Variants in GRIK2 observed in about 807,000 individuals in gnomAD.
The protein encoded by GRIK2 is glutamate ionotropic receptor kainate type subunit 2.
Under a neutral mutation model 100.3 loss-of-function variants are expected in GRIK2, and 32 were observed. The observed-to-expected ratio is 0.32, with a 90% CI of 0.24 to 0.43. The LOEUF is 0.43. Ranked by LOEUF, GRIK2 falls within the 20% of genes least tolerant of loss-of-function variation. The probability of loss-of-function intolerance (pLI) is 1.00; values close to 1 mark genes in which losing one functional copy is unlikely to be tolerated. For synonymous variants in GRIK2, 417 were observed against 389.4 expected (o/e 1.07, Z -0.83); for missense variants, 843 against 1,114.9 (o/e 0.76, Z 3.47).
chr6:101,427,617 TG>T (rs755790493), intron 2 of GRIK2, among the ~76,000 whole-genome samples: 1 of 152,230 alleles, frequency 6.6e-6, no homozygotes, highest in Non-Finnish European at 1.5e-5. Context: ...CTGTGCTCCC[TG>T]GTAATTTTGA....
chr6:101,457,168 C>T (rs1045854423), intron 2 of GRIK2, among the ~76,000 whole-genome samples: 5 of 152,080 alleles, frequency 3.3e-5, no homozygotes, highest in Non-Finnish European at 5.9e-5. Flanking sequence ...CAAGCCATTG[C>T]ATAGGAATTT....
chr6:101,827,615 AG>A (rs1016222255), intron 10 of GRIK2, among the ~76,000 whole-genome samples: 29 of 152,016 alleles, frequency 1.9e-4, no homozygotes, highest in African/African-American at 7.0e-4. Flanking sequence ...AAAAAAGGAC[AG>A]GGATTGCTAT....
intron 9 of GRIK2, 71 bp from the exon 10 acceptor site, chr6:101,818,299 A>G (rs1781755899): frequency 1.2e-6 from 1 of 806,486 alleles, no homozygotes; most frequent in East Asian, 2.6e-5. Context: ...TAGCAATCTT[A>G]ACTTTCTTTT....
chr6:101,712,299 T>C (rs1390124151), intron 7 of GRIK2, among the ~76,000 whole-genome samples: 1 of 151,766 alleles, frequency 6.6e-6, no homozygotes, highest in East Asian at 2.0e-4. Flanking sequence ...AATCTCAGGC[T>C]CTAGCCCATA....
At chr6:101,683,101 C>A (rs1582952835) in intron 6 of GRIK2, among the ~76,000 whole-genome samples, 1 of 151,720 alleles carries the variant, frequency 6.6e-6, no homozygotes, top group Admixed American at 6.6e-5. Context: ...TACTCGGGAG[C>A]CTGAGACAGG....
chr6:101,866,226 C>G (rs1308178571), intron 11 of GRIK2, among the ~76,000 whole-genome samples: 2 of 152,128 alleles, frequency 1.3e-5, no homozygotes, highest in African/African-American at 4.8e-5. Flanking sequence ...TTTTCCTCAT[C>G]CCTCTCCAGG....
At chr6:102,048,521 T>G (rs1225976269) in intron 15 of GRIK2, among the ~76,000 whole-genome samples, 7 of 151,768 alleles carry the variant, frequency 4.6e-5, no homozygotes, top group Non-Finnish European at 7.4e-5. Flanking sequence ...CAAGAAAAAA[T>G]TATTTAAATG....
intron 2 of GRIK2, among the ~76,000 whole-genome samples, chr6:101,537,938 C>T (rs758057327): frequency 7.9e-5 from 12 of 151,484 alleles, no homozygotes; most frequent in Admixed American, 2.0e-4. Flanking sequence ...AGAAGTATTC[C>T]GAAATATGAT....
chr6:101,510,052 G>A (rs1268892593), intron 2 of GRIK2, among the ~76,000 whole-genome samples: 1 of 152,066 alleles, frequency 6.6e-6, no homozygotes, highest in Non-Finnish European at 1.5e-5. Context: ...GTCATTTAAA[G>A]TATACTTCTA....
chr6:101,446,400 A>G (rs1770380447), intron 2 of GRIK2, among the ~76,000 whole-genome samples: 1 of 151,804 alleles, frequency 6.6e-6, no homozygotes, highest in Admixed American at 6.6e-5. Context: ...TAAAGAATAC[A>G]CTCCTTATTA....
At chr6:101,615,534 G>C (rs948581008) in intron 2 of GRIK2, among the ~76,000 whole-genome samples, 1 of 151,734 alleles carries the variant, frequency 6.6e-6, no homozygotes, top group Non-Finnish European at 1.5e-5. Context: ...GGTCTTATGA[G>C]TCCTTTATTA....
intron 16 of GRIK2, among the ~76,000 whole-genome samples, chr6:102,061,969 T>A (rs1315017148): frequency 1.3e-5 from 2 of 150,290 alleles, no homozygotes; most frequent in African/African-American, 4.8e-5. Context: ...TTAGTATTAT[T>A]TTTTCTAAAA....
intron 14 of GRIK2, among the ~76,000 whole-genome samples, chr6:101,978,787 T>A (rs530261989): frequency 6.6e-5 from 10 of 152,108 alleles, no homozygotes; most frequent in Middle Eastern, 3.4e-3. Flanking sequence ...AATGATCAGT[T>A]TTCTATTCAA....
chr6:101,855,915 A>ACATGATTCTAG (rs1246874831), intron 10 of GRIK2, among the ~76,000 whole-genome samples: 1 of 152,206 alleles, frequency 6.6e-6, no homozygotes, highest in South Asian at 2.1e-4. Flanking sequence ...CTAGCAGGGG[A>ACATGATTCTAG]CAGTGTAAAG....
At chr6:101,985,517 G>T (rs539731849) in intron 14 of GRIK2, among the ~76,000 whole-genome samples, 2 of 151,848 alleles carry the variant, frequency 1.3e-5, no homozygotes, top group African/African-American at 4.8e-5. Flanking sequence ...ATCCCTGCAA[G>T]TTTGGGACCA....
At chr6:101,656,494 AT>A (rs1257545480) in intron 4 of GRIK2, among the ~76,000 whole-genome samples, 2 of 152,176 alleles carry the variant, frequency 1.3e-5, no homozygotes, top group African/African-American at 4.8e-5. Context: ...AAATAGGATA[AT>A]TCTACTGCCC....
intron 7 of GRIK2, among the ~76,000 whole-genome samples, chr6:101,755,161 G>T (rs1345643176): frequency 3.5e-4 from 36 of 102,976 alleles, no homozygotes; most frequent in Admixed American, 6.1e-4. Flanking sequence ...TTTCTTTTTG[G>T]TTTTTTTTTT....
intron 10 of GRIK2, among the ~76,000 whole-genome samples, chr6:101,822,375 GA>G (rs1468347921): frequency 6.6e-6 from 1 of 151,834 alleles, no homozygotes; most frequent in Non-Finnish European, 1.5e-5. Flanking sequence ...CACAGTAGAA[GA>G]ATAGACAGCT....
chr6:101,967,806 T>C (rs1312517696), intron 14 of GRIK2, among the ~76,000 whole-genome samples: 1 of 152,040 alleles, frequency 6.6e-6, no homozygotes, highest in Non-Finnish European at 1.5e-5. Context: ...CTCATAGAAA[T>C]TACCAAGTGG....
Sources: gnomAD v4.1 joint callset for allele counts (sites outside exome capture counted in the v4.1 genomes callset) on GRCh38, gnomAD v4.1.1 for gene constraint, MANE v1.5 for transcripts, NCBI Gene and HGNC (gene_info 2026-07-23, HGNC 2026-07-21) for gene names.